Variants in TMCC3 observed in about 807,000 individuals in gnomAD.
The protein encoded by TMCC3 is transmembrane and coiled-coil domain family 3.
TMCC3 carries 28 observed loss-of-function variants against 40.2 expected under a neutral mutation model. That is an observed-to-expected ratio of 0.70 (90% CI 0.52 to 0.95). The LOEUF (loss-of-function observed/expected upper bound fraction) is 0.95, where lower values mean the gene tolerates loss of function less well. Ranked by LOEUF, TMCC3 falls within the 40% of genes least tolerant of loss-of-function variation. The pLI is 0.00. For missense variants in TMCC3, 554 were observed against 615.2 expected, an observed-to-expected ratio of 0.90 and a Z score of 1.05; for synonymous variants, 255 against 248.5, an observed-to-expected ratio of 1.03 and a Z score of -0.25.
intron 1 of TMCC3, among the ~76,000 whole-genome samples, chr12:94,618,155 T>G (rs188179469): frequency 1.3e-5 from 2 of 152,320 alleles, no homozygotes; most frequent in Admixed American, 6.5e-5. Flanking sequence ...ATAATTCAGT[T>G]CCACAGAGCT....
chr12:94,602,874 C>T (rs1251748246), intron 1 of TMCC3, among the ~76,000 whole-genome samples: 1 of 152,118 alleles, frequency 6.6e-6, no homozygotes, highest in Admixed American at 6.5e-5. Context: ...CTCGGGGGAC[C>T]TGGGATCCAA....
chr12:94,582,976 T>C (rs2068614885), intron 1 of TMCC3, among the ~76,000 whole-genome samples: 2 of 66,594 alleles, frequency 3.0e-5, no homozygotes, highest in Non-Finnish European at 5.0e-5. Flanking sequence ...TTTTTTTTTT[T>C]TTTTTTTTTT....
At chr12:94,580,255 G>C (rs1291698284) in intron 2 of TMCC3, among the ~76,000 whole-genome samples, 1 of 152,042 alleles carries the variant, frequency 6.6e-6, no homozygotes, top group Non-Finnish European at 1.5e-5. Flanking sequence ...TTATATTTGG[G>C]CTTACACACT....
At chr12:94,635,505 T>A (rs6538524) in intron 1 of TMCC3, among the ~76,000 whole-genome samples, 1 of 151,934 alleles carries the variant, frequency 6.6e-6, no homozygotes, top group South Asian at 2.1e-4. Context: ...TTAAGTCGAA[T>A]TTGATGAGAG....
rs146403628 is a variant in TMCC3 at position 94,603,819 on chromosome 12, T to C, written c.79-21281A>G. ...TGCAAAAAAACTTAGATAACAAAAA[T>C]GCAGGAGCTGTCAAAACTATTATCT... is the stretch of plus-strand genomic sequence containing the variant. On this transcript the variant is annotated intron_variant, in intron 1 of 3. Coordinates refer to ENST00000261226, the MANE Select transcript of TMCC3 (RefSeq NM_020698.4). Among the ~76,000 whole-genome samples, 334 of 152,232 alleles carry C rather than the reference T, an allele frequency of 2.2e-3. 2 individuals are homozygous for C. Among genetic ancestry groups the C allele is most frequent in the African/African-American group, 7.7e-3 (320 of 41,546 alleles).
At position 94,567,814 on chromosome 12, in the gene TMCC3, C is replaced by A. The variant is rs372596533; in HGVS notation, c.*3621G>T. On this transcript the variant is annotated 3_prime_UTR_variant, in exon 4 of 4. Transcript: ENST00000261226. ...AAATATATTTAAATGTTTTTCCAAA[C>A]CAATACAACTATATCTGGATTCACT... 9.2e-5 allele frequency: 14 copies of A among 152,272 alleles called. No homozygotes were observed. In the East Asian group the frequency reaches 1.7e-3, roughly 19 times the overall value. The allele number at this position is 152,272 out of a possible 1,614,324, so 9.4% of individuals were successfully genotyped here. A position where few individuals can be genotyped will look rare whatever the true frequency, so the allele number is the denominator to read the frequency against.
intron 1 of TMCC3, among the ~76,000 whole-genome samples, chr12:94,628,525 T>C (rs2068915652): frequency 6.6e-6 from 1 of 152,228 alleles, no homozygotes; most frequent in African/African-American, 2.4e-5. Context: ...ACTCTGAACC[T>C]GCCTACAGAA....
At chr12:94,641,916 AT>A (rs2068993361) in intron 1 of TMCC3, among the ~76,000 whole-genome samples, 1 of 150,412 alleles carries the variant, frequency 6.6e-6, no homozygotes, top group Non-Finnish European at 1.5e-5. Flanking sequence ...ACCACAAAAA[AT>A]ATATATATAT....
intron 1 of TMCC3, among the ~76,000 whole-genome samples, chr12:94,629,120 G>C (rs1237377008): frequency 6.6e-6 from 1 of 152,042 alleles, no homozygotes; most frequent in Non-Finnish European, 1.5e-5. Flanking sequence ...TATTTCCTCG[G>C]CACAAGGATA....
chr12:94,623,225 GAA>G (rs758100994), intron 1 of TMCC3, among the ~76,000 whole-genome samples: 3 of 142,760 alleles, frequency 2.1e-5, no homozygotes. Flanking sequence ...AAATCTGCAG[GAA>G]AAAAAAAAAA....
In TMCC3 at chr12:94,570,890, G is replaced by A. The variant is rs151228864; in HGVS notation, c.*545C>T. On this transcript the variant is annotated 3_prime_UTR_variant, in exon 4 of 4. Transcript: ENST00000261226. ...ATTTCCACGTTACAGGGTCATACAC[G>A]ACTGACTGCTGTGGACACTGAGTAC... is the stretch of plus-strand genomic sequence containing the variant. The A allele has an allele frequency of 1.9e-5, 3 of 155,402 alleles. No individual in the cohort carries two copies. The highest frequency in any genetic ancestry group is 4.8e-5 in the African/African-American group (2 of 41,550). 9.6% of individuals were successfully genotyped at this position (155,402 alleles called of 1,614,324 possible).
At position 94,570,596 on chromosome 12, in the gene TMCC3, A is replaced by G. The variant is rs1464860491; in HGVS notation, c.*839T>C. 6.6e-6 allele frequency: 1 copy of G among 152,522 alleles called. No homozygotes were observed. Among genetic ancestry groups the G allele is most frequent in the Non-Finnish European group, 1.5e-5 (1 of 68,046 alleles). The allele number at this position is 152,522 out of a possible 1,614,324, so 9.4% of individuals were successfully genotyped here. ...ATATTTAGCAGAGCCCTGTCTCAAAAAAGAAAAAAGATTTGCCAAAACACA... is the reference window on the plus strand; with the variant it reads ...ATATTTAGCAGAGCCCTGTCTCAAAGAAGAAAAAAGATTTGCCAAAACACA... On this transcript the variant is annotated 3_prime_UTR_variant, in exon 4 of 4. Transcript: ENST00000261226.
rs112007571 is a variant in TMCC3, at chr12:94,627,024, C to T, written c.78+23329G>A. ...TAAAGGTGTGCACTACCACACCAGG[C>T]TAATTTTTGTATTTTTAGTAGAGAT... On this transcript the variant is annotated intron_variant, in intron 1 of 3. Transcript: ENST00000261226. Among the ~76,000 whole-genome samples the T allele has an allele frequency of 9.9e-5, 15 of 152,104 alleles. 1 individual carries two copies. The highest frequency in any genetic ancestry group is 3.6e-4 in the African/African-American group (15 of 41,474).
At chr12:94,587,723 G>A (rs1023404878) in intron 1 of TMCC3, among the ~76,000 whole-genome samples, 3 of 152,168 alleles carry the variant, frequency 2.0e-5, no homozygotes, top group Non-Finnish European at 2.9e-5. Flanking sequence ...ATTTAAAAAT[G>A]TATGTAAAAA....
Position 94,582,218 on chromosome 12 carries a change from T to G in TMCC3, c.399A>C (p.Leu133Phe). 1.9e-6 allele frequency: 3 copies of G among 1,614,228 alleles called. No individual in the cohort carries two copies. Among genetic ancestry groups the G allele is most frequent in the Non-Finnish European group, 2.5e-6 (3 of 1,180,048 alleles). The change falls in exon 2 of 4, where the codon TTA (leucine) becomes TTC (phenylalanine). Residue 133 changes from leucine to phenylalanine, a missense_variant. By Grantham distance (22) the Leu-to-Phe change is conservative (BLOSUM62 0). Coordinates refer to ENST00000261226, the MANE Select transcript of TMCC3 (RefSeq NM_020698.4). ...CTCTGAGCTTTCGATGATACTGCTC[T>G]AACTTCTTCTGCAGCTGGGCGATGG... is the stretch of plus-strand genomic sequence containing the variant. The part of the protein sequence containing the change: ...AHSIAQLQKK[L>F]EQYHRKLREI...
At chr12:94,613,507 A>G (rs1446119898) in intron 1 of TMCC3, among the ~76,000 whole-genome samples, 1 of 152,238 alleles carries the variant, frequency 6.6e-6, no homozygotes, top group Non-Finnish European at 1.5e-5. Flanking sequence ...AAGCAAATCA[A>G]AGAACACATA....
intron 1 of TMCC3, among the ~76,000 whole-genome samples, chr12:94,608,239 A>G (rs1566326670): frequency 1.3e-5 from 2 of 152,270 alleles, no homozygotes; most frequent in South Asian, 4.1e-4. Flanking sequence ...AAGAATTAAA[A>G]GACAAACAGA....
rs1205098817 is a variant in TMCC3, at chr12:94,571,678, C to T, written c.1191G>A (p.Gln397=). ...ISKLELHQQE[Q]QALQTDTVNA... ...TCACGGTGTCTGTCTGCAGAGCTTG[C>T]TGCTCTTGCTGGTGGAGCTCCAGCT... The change falls in exon 4 of 4, where the codon CAG becomes CAA. Residue 397 remains glutamine (Q), a synonymous_variant. Coordinates refer to ENST00000261226, the MANE Select transcript of TMCC3 (RefSeq NM_020698.4). 6.2e-7 allele frequency: 1 copy of T among 1,614,228 alleles called. No homozygotes were observed. The highest frequency in any genetic ancestry group is 8.5e-7 in the Non-Finnish European group (1 of 1,180,044).
At chr12:94,601,520 G>C (rs1484922236) in intron 1 of TMCC3, among the ~76,000 whole-genome samples, 1 of 150,286 alleles carries the variant, frequency 6.7e-6, no homozygotes, top group African/African-American at 2.5e-5. Context: ...GAGTGAGGCT[G>C]TGTCTCAAAA....
Sources: gnomAD v4.1 joint callset for allele counts (sites outside exome capture counted in the v4.1 genomes callset) on GRCh38, gnomAD v4.1.1 for gene constraint, MANE v1.5 for transcripts, NCBI Gene and HGNC (gene_info 2026-07-23, HGNC 2026-07-21) for gene names.